Variants in NEBL observed in about 807,000 individuals in gnomAD.
NEBL encodes nebulette, also known as LIM and SH3 protein 2.
Under a neutral mutation model 140.2 loss-of-function variants are expected in NEBL, and 122 were observed. That is an observed-to-expected ratio of 0.87 (90% confidence interval 0.75 to 1.01). The LOEUF is 1.01. NEBL is among the 50% of genes least tolerant of loss of function. NEBL has a pLI of 0.00. For synonymous variants in NEBL, 436 were observed against 398.9 expected (o/e 1.09, Z -1.11); for missense variants, 1,365 against 1,231.3 (o/e 1.11, Z -1.62).
At chr10:21,169,410 C>T (rs574601192) in intron 2 of NEBL, among the ~76,000 whole-genome samples, 1 of 151,950 alleles carries the variant, frequency 6.6e-6, no homozygotes, top group African/African-American at 2.4e-5. Flanking sequence ...ACCATTGACC[C>T]GGAGAAATTA....
At chr10:20,858,182 CAT>C in intron 9 of NEBL, 56 bp downstream of exon 9, 1 of 1,326,808 alleles carries the variant, frequency 7.5e-7, no homozygotes, top group South Asian at 1.2e-5. Context: ...ACGCTGCAGA[CAT>C]ATTGGCTTCT....
At chr10:20,958,480 A>G (rs1326587514) in intron 4 of NEBL, among the ~76,000 whole-genome samples, 1 of 152,184 alleles carries the variant, frequency 6.6e-6, no homozygotes, top group African/African-American at 2.4e-5. Flanking sequence ...ACTTCTGAAC[A>G]TTATCTTCAA....
intron 2 of NEBL, chr10:21,125,747 C>A (rs545278998): frequency 5.4e-6 from 6 of 1,116,332 alleles, no homozygotes; most frequent in Admixed American, 1.9e-5. Context: ...CCACAGGGCA[C>A]GGATGGAAAC....
chr10:21,148,768 C>G (rs901641077), intron 2 of NEBL, among the ~76,000 whole-genome samples: 1 of 152,076 alleles, frequency 6.6e-6, no homozygotes, highest in Non-Finnish European at 1.5e-5. Context: ...TTAAGTGATG[C>G]ACCCGCCTCA....
intron 1 of NEBL, among the ~76,000 whole-genome samples, chr10:21,282,116 G>T (rs1843000346): frequency 6.6e-6 from 1 of 152,170 alleles, no homozygotes; most frequent in African/African-American, 2.4e-5. Flanking sequence ...AAAATGAGGT[G>T]CTAGCAAGAC....
At chr10:21,003,739 A>G (rs1838002690) in intron 3 of NEBL, among the ~76,000 whole-genome samples, 2 of 152,232 alleles carry the variant, frequency 1.3e-5, no homozygotes, top group Non-Finnish European at 2.9e-5. Flanking sequence ...AGGTACAATC[A>G]CATGAGGAAT....
At chr10:20,851,394 A>G (rs960114276) in intron 10 of NEBL, among the ~76,000 whole-genome samples, 3 of 152,132 alleles carry the variant, frequency 2.0e-5, no homozygotes, top group Admixed American at 2.0e-4. Flanking sequence ...TAAAATACCT[A>G]TTTGTAGACA....
At chr10:21,280,892 G>A (rs1440729649) in intron 1 of NEBL, among the ~76,000 whole-genome samples, 1 of 152,126 alleles carries the variant, frequency 6.6e-6, no homozygotes, top group Non-Finnish European at 1.5e-5. Context: ...TGTGATTACA[G>A]GCGTGAGCCA....
intron 4 of NEBL, among the ~76,000 whole-genome samples, chr10:20,919,214 G>A (rs968308059): frequency 5.3e-5 from 8 of 152,102 alleles, no homozygotes; most frequent in Non-Finnish European, 7.4e-5. Flanking sequence ...CATGATTTCC[G>A]AGAAAATTAT....
chr10:21,237,218 T>C (rs1241010453), intron 3 of NEBL, among the ~76,000 whole-genome samples: 2 of 152,258 alleles, frequency 1.3e-5, no homozygotes, highest in Admixed American at 6.5e-5. Context: ...TGTTTTGTTT[T>C]GTTTGAGATA....
At chr10:21,185,026 T>C (rs1389212153) in intron 3 of NEBL, among the ~76,000 whole-genome samples, 4 of 152,210 alleles carry the variant, frequency 2.6e-5, no homozygotes, top group Non-Finnish European at 5.9e-5. Context: ...CCTTCTCCCA[T>C]CCTGGCCCCA....
rs61234594 is a variant in NEBL, at chr10:21,082,535, T to TAAAAAAAAAA, written c.165-62344_165-62335dup. ...AGTTTGAAGTGTTCCCCACCACCAC[T>TAAAAAAAAAA]AAAAAAAAAAAAAAAAAAAAAAAAA... On this transcript the variant is annotated intron_variant, in intron 2 of 6. Coordinates refer to the NEBL transcript ENST00000417816. Among the ~76,000 whole-genome samples the TAAAAAAAAAA allele has an allele frequency of 3.5e-3, 416 of 117,218 alleles. 19 individuals are homozygous for TAAAAAAAAAA. Among genetic ancestry groups the TAAAAAAAAAA allele is most frequent in the African/African-American group, 7.2e-3 (181 of 25,236 alleles). The allele number at this position is 117,218 out of a possible 152,430, so 76.9% of individuals were successfully genotyped here.
chr10:21,159,315 T>C (rs7899379), intron 2 of NEBL, among the ~76,000 whole-genome samples: 6,845 of 152,170 alleles, frequency 0.045, 527 homozygotes, highest in African/African-American at 0.16. Context: ...GCACACATCG[T>C]TTATCTTAGA....
intron 2 of NEBL, among the ~76,000 whole-genome samples, chr10:21,101,767 G>A (rs1041489002): frequency 6.6e-6 from 1 of 152,196 alleles, no homozygotes; most frequent in Non-Finnish European, 1.5e-5. Context: ...TTTGTGCCCA[G>A]AGGAAACTCC....
At chr10:21,029,551 G>A (rs1239388660) in intron 2 of NEBL, 1 of 1,605,454 alleles carries the variant, frequency 6.2e-7, no homozygotes, top group Admixed American at 1.7e-5. Context: ...TCGTTCTTTT[G>A]GCCGTGATAG....
intron 26 of NEBL, among the ~76,000 whole-genome samples, chr10:20,805,517 C>G (rs1367902253): frequency 6.6e-6 from 1 of 152,080 alleles, no homozygotes; most frequent in African/African-American, 2.4e-5. Flanking sequence ...GGCCTCAAAA[C>G]AGAGGACTGA....
At chr10:21,151,073 G>C (rs1229127439) in intron 2 of NEBL, among the ~76,000 whole-genome samples, 1 of 152,224 alleles carries the variant, frequency 6.6e-6, no homozygotes, top group Non-Finnish European at 1.5e-5. Flanking sequence ...TGAAATGAGG[G>C]AGAGCAAAGA....
intron 2 of NEBL, among the ~76,000 whole-genome samples, chr10:21,104,799 T>C (rs138319856): frequency 2.7e-3 from 406 of 152,310 alleles, no homozygotes; most frequent in African/African-American, 9.2e-3. Flanking sequence ...CCTCACCCTG[T>C]TCCTCATCTC....
rs749931606 is a variant in NEBL at position 20,808,494 on chromosome 10, A to C, written c.2761+16T>G. 18 of 1,613,316 alleles carry C rather than the reference A, an allele frequency of 1.1e-5. No homozygotes were observed. Among genetic ancestry groups the C allele is most frequent in the Non-Finnish European group, 1.5e-5 (18 of 1,179,332 alleles). On this transcript the variant is annotated intron_variant, in intron 26 of 27. Transcript: ENST00000377122. ...AAATGAATCGATTTTCTTTGTAAGC[A>C]GTGAATGTTTGATACCTCCTTCATC...
Sources: allele counts gnomAD v4.1 joint callset (sites outside exome capture counted in the v4.1 genomes callset), GRCh38; gene constraint gnomAD v4.1.1; transcripts MANE v1.5; gene names NCBI Gene and HGNC (gene_info 2026-07-23, HGNC 2026-07-21).